The following DSCAML1 variants were observed in gnomAD, a reference collection of about 807,000 sequenced individuals.
DSCAML1 encodes the protein cell adhesion molecule DSCAML1.
In DSCAML1, 38 loss-of-function variants were observed where a neutral mutation model predicts 200.5. That is an observed-to-expected ratio of 0.19 (90% CI 0.15 to 0.25). The LOEUF is 0.25. Ranked by LOEUF, DSCAML1 falls within the 10% of genes least tolerant of loss-of-function variation. DSCAML1 has a pLI of 1.00. For synonymous variants in DSCAML1, 1,215 were observed against 1,165.0 expected, an observed-to-expected ratio of 1.04 and a Z score of -0.87; for missense variants, 2,223 against 2,858.8, an observed-to-expected ratio of 0.78 and a Z score of 5.07.
At chr11:117,663,072 C>A (rs977833526) in intron 3 of DSCAML1, among the ~76,000 whole-genome samples, 3 of 152,214 alleles carry the variant, frequency 2.0e-5, no homozygotes, top group Non-Finnish European at 1.5e-5. Flanking sequence ...CTGGCTGAAC[C>A]CCAGGCAACG....
intron 3 of DSCAML1, among the ~76,000 whole-genome samples, chr11:117,610,309 T>G (rs183429706): frequency 7.9e-5 from 12 of 152,324 alleles, no homozygotes; most frequent in Admixed American, 3.9e-4. Context: ...TGGTCACACA[T>G]TCTTCCAAAA....
intron 3 of DSCAML1, among the ~76,000 whole-genome samples, chr11:117,572,673 CG>C (rs1429556883): frequency 1.3e-5 from 2 of 152,112 alleles, no homozygotes; most frequent in Non-Finnish European, 2.9e-5. Context: ...TGGGGGGAGG[CG>C]GGGATATGCT....
At chr11:117,634,285 AAG>A (rs1386604769) in intron 3 of DSCAML1, among the ~76,000 whole-genome samples, 2 of 152,174 alleles carry the variant, frequency 1.3e-5, no homozygotes, top group African/African-American at 4.8e-5. Flanking sequence ...TCTGAGCAGA[AAG>A]AGGGCCAGTG....
intron 15 of DSCAML1, among the ~76,000 whole-genome samples, chr11:117,471,266 G>C (rs1443518666): frequency 1.3e-5 from 2 of 152,078 alleles, no homozygotes; most frequent in African/African-American, 4.8e-5. Context: ...CTGCCTCCCA[G>C]GTTCAAGCGA....
intron 20 of DSCAML1, among the ~76,000 whole-genome samples, chr11:117,448,526 G>A (rs1192597284): frequency 3.3e-5 from 5 of 152,040 alleles, no homozygotes; most frequent in East Asian, 3.9e-4. Flanking sequence ...AGTGAGGAAC[G>A]TGCCACGGGA....
At chr11:117,664,562 T>C (rs531970765) in intron 3 of DSCAML1, among the ~76,000 whole-genome samples, 8 of 152,176 alleles carry the variant, frequency 5.3e-5, no homozygotes, top group African/African-American at 1.2e-4. Flanking sequence ...ATATGAAAAG[T>C]ACCTAGCGCT....
In DSCAML1 at chr11:117,797,180, G is replaced by A. The variant is rs755219849; in HGVS notation, c.-101C>T. 8 of 1,569,928 alleles carry A rather than the reference G, an allele frequency of 5.1e-6. No homozygotes were observed. The highest frequency in any genetic ancestry group is 1.2e-5 in the South Asian group (1 of 85,844). ...GCGCTCCCAGCCGCCCGCACTCGGC[G>A]CCCCGCTCTCTCTGCTCCTCAGCCC... On this transcript the variant is annotated 5_prime_UTR_variant, in exon 1 of 33. Coordinates refer to ENST00000651296, the MANE Select transcript of DSCAML1 (RefSeq NM_020693.4).
chr11:117,602,165 T>C (rs2051478319), intron 3 of DSCAML1, among the ~76,000 whole-genome samples: 1 of 152,252 alleles, frequency 6.6e-6, no homozygotes, highest in Non-Finnish European at 1.5e-5. Context: ...AACAGAAGTT[T>C]AATTTATCAA....
chr11:117,441,806 C>T (rs1049100110), intron 21 of DSCAML1, among the ~76,000 whole-genome samples: 3 of 152,076 alleles, frequency 2.0e-5, no homozygotes, highest in African/African-American at 7.2e-5. Context: ...GCAGTGGGGG[C>T]ACCAGACAGG....
At chr11:117,517,463 GGGGCCCAACTGGGAAATCTTCCA>G (rs1399055900) in intron 7 of DSCAML1, among the ~76,000 whole-genome samples, 1 of 152,166 alleles carries the variant, frequency 6.6e-6, no homozygotes, top group Non-Finnish European at 1.5e-5. Flanking sequence ...CAGAACATGA[GGGGCCCAACTGGGAAATCTTCCA>G]GGGCCCGACT....
intron 21 of DSCAML1, among the ~76,000 whole-genome samples, chr11:117,442,215 G>T (rs2048072426): frequency 7.5e-6 from 1 of 133,348 alleles, no homozygotes; most frequent in Non-Finnish European, 1.6e-5. Context: ...GCATGTATTA[G>T]TGTGTCTAGT....
At chr11:117,430,631 T>C in intron 32 of DSCAML1, 91 bp downstream of exon 32, 3 of 1,430,628 alleles carry the variant, frequency 2.1e-6, no homozygotes, top group Non-Finnish European at 2.8e-6. Context: ...GGCATGATCC[T>C]GGTGCTGGCA....
chr11:117,580,789 A>G (rs546712420), intron 3 of DSCAML1, among the ~76,000 whole-genome samples: 1 of 152,260 alleles, frequency 6.6e-6, no homozygotes, highest in African/African-American at 2.4e-5. Flanking sequence ...ATTAGTGTTA[A>G]TTAATGGGCT....
chr11:117,541,500 G>A (rs1056369291), intron 3 of DSCAML1, among the ~76,000 whole-genome samples: 15 of 152,290 alleles, frequency 9.8e-5, no homozygotes, highest in East Asian at 7.7e-4. Context: ...CTGGACTCCT[G>A]TTCCCAATGT....
At chr11:117,672,558 T>A (rs1382296044) in intron 3 of DSCAML1, among the ~76,000 whole-genome samples, 1 of 152,186 alleles carries the variant, frequency 6.6e-6, no homozygotes, top group South Asian at 2.1e-4. Flanking sequence ...CACGAAACAG[T>A]TCCCAGCGAC....
At chr11:117,726,247 A>ATC (rs2054127100) in intron 3 of DSCAML1, among the ~76,000 whole-genome samples, 3 of 147,180 alleles carry the variant, frequency 2.0e-5, no homozygotes, top group African/African-American at 2.7e-5. Context: ...TTGTGTGTGT[A>ATC]TCTCTGTGTG....
chr11:117,806,084 C>T (rs973518142), intron 1 of DSCAML1, among the ~76,000 whole-genome samples: 25 of 152,258 alleles, frequency 1.6e-4, no homozygotes, highest in African/African-American at 6.0e-4. Context: ...TTCACCACTC[C>T]ATCCTCAGTA....
At chr11:117,738,736 T>C (rs182635829) in intron 3 of DSCAML1, among the ~76,000 whole-genome samples, 2 of 152,330 alleles carry the variant, frequency 1.3e-5, no homozygotes, top group Non-Finnish European at 2.9e-5. Flanking sequence ...CATGACCGTC[T>C]GCTGGCAGCC....
At chr11:117,710,820 C>T (rs2053835415) in intron 3 of DSCAML1, among the ~76,000 whole-genome samples, 1 of 152,182 alleles carries the variant, frequency 6.6e-6, no homozygotes, top group Non-Finnish European at 1.5e-5. Flanking sequence ...AGCAATGTCT[C>T]TGCTCTCTAC....
Sources: gnomAD v4.1 joint callset for allele counts (sites outside exome capture counted in the v4.1 genomes callset) on GRCh38, gnomAD v4.1.1 for gene constraint, MANE v1.5 for transcripts, NCBI Gene and HGNC (gene_info 2026-07-23, HGNC 2026-07-21) for gene names.